CCDC171: variants seen among roughly 807,000 people sequenced by gnomAD.
CCDC171 encodes coiled-coil domain-containing protein 171.
In CCDC171, 177 loss-of-function variants were observed where a neutral mutation model predicts 168.2. That is an observed-to-expected ratio of 1.05 (90% CI 0.93 to 1.19). The LOEUF (loss-of-function observed/expected upper bound fraction) is 1.19. Among genes scored for constraint, CCDC171 ranks in the 50% most tolerant of loss-of-function variants. The pLI, the probability that CCDC171 is intolerant of heterozygous loss-of-function variation, is 0.00. For synonymous variants in CCDC171, 687 were observed against 540.8 expected, an observed-to-expected ratio of 1.27 and a Z score of -3.75; for missense variants, 1,991 against 1,539.0, an observed-to-expected ratio of 1.29 and a Z score of -4.91.
intron 7 of CCDC171, among the ~76,000 whole-genome samples, chr9:15,632,745 G>T (rs1587598141): frequency 6.6e-6 from 1 of 152,192 alleles, no homozygotes; most frequent in African/African-American, 2.4e-5. Flanking sequence ...CAAAGCTGGA[G>T]ACATCATGCT....
chr9:15,757,250 G>A (rs2056178567), intron 18 of CCDC171, among the ~76,000 whole-genome samples: 1 of 152,188 alleles, frequency 6.6e-6, no homozygotes, highest in Non-Finnish European at 1.5e-5. Context: ...AAGTCTGATA[G>A]ATATATGGAC....
At chr9:15,863,975 A>G (rs2061666394) in intron 23 of CCDC171, among the ~76,000 whole-genome samples, 1 of 152,070 alleles carries the variant, frequency 6.6e-6, no homozygotes. Context: ...CATTTTGTAA[A>G]GTTGTATCCT....
intron 3 of CCDC171, among the ~76,000 whole-genome samples, chr9:15,989,204 C>T (rs745698391): frequency 4.3e-4 from 65 of 152,128 alleles, no homozygotes; most frequent in Non-Finnish European, 7.9e-4. Context: ...ACACACCACA[C>T]GGCAGGGTAC....
At chr9:15,737,691 A>G (rs1034228028) in intron 16 of CCDC171, among the ~76,000 whole-genome samples, 3 of 152,218 alleles carry the variant, frequency 2.0e-5, no homozygotes, top group African/African-American at 7.2e-5. Flanking sequence ...AAACCCAGGC[A>G]CATACTATTT....
chr9:15,676,011 ATCAAATGCAGGTTTGGTCTTTTCACATAG>A (rs1172424160), intron 9 of CCDC171, among the ~76,000 whole-genome samples: 1 of 152,212 alleles, frequency 6.6e-6, no homozygotes, highest in East Asian at 1.9e-4. Flanking sequence ...AGGTACACCA[ATCAAATGCAGGTTTGGTCTTTTCACATAG>A]TCCCAGACTT....
chr9:15,664,028 T>A (rs1038350583), intron 8 of CCDC171, among the ~76,000 whole-genome samples: 1 of 152,172 alleles, frequency 6.6e-6, no homozygotes, highest in African/African-American at 2.4e-5. Flanking sequence ...AAATACCACA[T>A]GATCTGACTT....
rs780720079 is a variant in CCDC171, at chr9:15,818,415, C to T, written c.3268-28287C>T. Among the ~76,000 whole-genome samples the T allele has an allele frequency of 2.9e-4, 34 of 116,260 alleles. 12 individuals carry two copies. Among genetic ancestry groups the T allele is most frequent in the Admixed American group, 8.1e-4 (10 of 12,280 alleles). The allele number at this position is 116,260 out of a possible 152,430, so 76.3% of individuals were successfully genotyped here. On this transcript the variant is annotated intron_variant, in intron 21 of 25. Coordinates refer to ENST00000380701, the MANE Select transcript of CCDC171 (RefSeq NM_173550.4). ...CTACTCCGAGCTAAAGGAGGAAGTT[C>T]GAACGAATGGCAAAGAAGTTAAAAA...
At chr9:16,008,288 G>A (rs1414735057) in intron 3 of CCDC171, among the ~76,000 whole-genome samples, 1 of 152,004 alleles carries the variant, frequency 6.6e-6, no homozygotes, top group Non-Finnish European at 1.5e-5. Context: ...TCAATCTTTT[G>A]CATGTGGTTA....
intron 7 of CCDC171, among the ~76,000 whole-genome samples, chr9:15,640,023 A>G (rs754221796): frequency 1.3e-5 from 2 of 152,180 alleles, no homozygotes; most frequent in African/African-American, 4.8e-5. Flanking sequence ...GGCATCTGGC[A>G]TATAGTAGGT....
intron 3 of CCDC171, among the ~76,000 whole-genome samples, chr9:15,999,141 T>C (rs1832457308): frequency 6.7e-6 from 1 of 148,386 alleles, no homozygotes; most frequent in Non-Finnish European, 1.5e-5. Context: ...AGTCCAAGAG[T>C]TTGAGGCTGC....
chr9:15,618,998 T>C lies in CCDC171; in HGVS notation c.676-4269T>C, dbSNP rs1323154904. Among the ~76,000 whole-genome samples, 5 of 152,220 alleles carry C rather than the reference T, an allele frequency of 3.3e-5. No homozygotes were observed. In the East Asian group the frequency reaches 9.7e-4, roughly 29 times the overall value. ...CCCTGTCCAGTGGTCTTTACGTTAC[T>C]GCTATTGTAATTGTTTTGGGGCACC... On this transcript the variant is annotated intron_variant, in intron 6 of 25. Transcript: ENST00000380701.
chr9:15,993,688 C>G (rs1243193182), intron 3 of CCDC171, among the ~76,000 whole-genome samples: 1 of 152,150 alleles, frequency 6.6e-6, no homozygotes, highest in East Asian at 1.9e-4. Context: ...TTTTTGCAAT[C>G]TACTCATCTG....
At chr9:15,924,440 C>A (rs201374237) in intron 25 of CCDC171, among the ~76,000 whole-genome samples, 98 of 140,366 alleles carry the variant, frequency 7.0e-4, no homozygotes, top group East Asian at 8.5e-4. Context: ...CACACTTAGT[C>A]AAAAAAAAAA....
intron 1 of CCDC171, among the ~76,000 whole-genome samples, chr9:16,045,109 G>A (rs1041789782): frequency 9.9e-5 from 15 of 152,156 alleles, no homozygotes; most frequent in African/African-American, 3.4e-4. Context: ...AGTGGGTATA[G>A]GAATAAATTC....
intron 6 of CCDC171, among the ~76,000 whole-genome samples, chr9:16,031,473 C>G (rs10810521): frequency 0.37 from 56,378 of 152,060 alleles, 12,295 homozygotes; most frequent in East Asian, 0.63. Flanking sequence ...AATCTAGCCA[C>G]ACTAGAGTCA....
intron 21 of CCDC171, among the ~76,000 whole-genome samples, chr9:15,835,812 AC>A (rs1206642693): frequency 6.6e-6 from 1 of 152,170 alleles, no homozygotes; most frequent in African/African-American, 2.4e-5. Flanking sequence ...TGTTGTCATT[AC>A]TATTTTGGTT....
intron 18 of CCDC171, among the ~76,000 whole-genome samples, chr9:15,765,639 T>C (rs1278703398): frequency 3.3e-5 from 5 of 152,108 alleles, no homozygotes; most frequent in Non-Finnish European, 5.9e-5. Context: ...TGAGAAGATA[T>C]TGGTTATTTG....
the CCDC171 span, among the ~76,000 whole-genome samples, chr9:16,066,984 G>A: frequency 6.6e-6 from 1 of 151,870 alleles, no homozygotes; most frequent in African/African-American, 2.4e-5. Context: ...CCCAGTAATG[G>A]GATGGCTGGG....
chr9:15,802,129 T>C (rs1484737491), intron 21 of CCDC171, among the ~76,000 whole-genome samples: 1 of 151,834 alleles, frequency 6.6e-6, no homozygotes, highest in African/African-American at 2.4e-5. Flanking sequence ...CTTTTTATTA[T>C]TGGTTTCCGG....
Sources: allele counts gnomAD v4.1 joint callset (sites outside exome capture counted in the v4.1 genomes callset), GRCh38; gene constraint gnomAD v4.1.1; transcripts MANE v1.5; gene names NCBI Gene and HGNC (gene_info 2026-07-23, HGNC 2026-07-21).